The following ARHGEF40 variants were observed in gnomAD, a reference collection of about 807,000 sequenced individuals.
ARHGEF40 encodes the protein Rho guanine nucleotide exchange factor 40, also known as Rho guanine nucleotide exchange factor (GEF) 40.
In ARHGEF40, 98 loss-of-function variants were observed where a neutral mutation model predicts 165.9. That is an observed-to-expected ratio of 0.59 (90% CI 0.50 to 0.70). The LOEUF is 0.70. ARHGEF40 is among the 30% of genes least tolerant of loss of function. The pLI, the probability that ARHGEF40 is intolerant of heterozygous loss-of-function variation, is 0.00. For missense variants in ARHGEF40, 1,815 were observed against 1,968.0 expected (o/e 0.92, Z 1.47); for synonymous variants, 792 against 814.3 (o/e 0.97, Z 0.47).
chr14:21,082,735 C>T (rs1031888129), intron 15 of ARHGEF40, 96 bp from the exon 16 acceptor site: 194 of 1,325,002 alleles, frequency 1.5e-4, no homozygotes, highest in Middle Eastern at 5.0e-4. Flanking sequence ...TGACCCATCC[C>T]TCATTTGGGC....
chr14:21,074,165 C>T lies in ARHGEF40; in HGVS notation c.435C>T (p.Phe145=). ...PVPNEACAYL[F]TPEWLQGINK... The stretch of plus-strand genomic sequence containing the variant: ...CCAATGAGGCTTGTGCCTACCTATT[C>T]ACACCTGAGTGGCTACAAGGCATCA... The change falls in exon 3 of 24, where the codon TTC becomes TTT. Residue 145 remains phenylalanine (F), a synonymous_variant. Transcript: ENST00000298694. The surrounding 1 kb of genome is among the most constrained non-coding windows in gnomAD (Gnocchi z 4.8). 5 of 1,614,142 alleles carry T rather than the reference C, an allele frequency of 3.1e-6. No individual in the cohort carries two copies. Among genetic ancestry groups the T allele is most frequent in the Non-Finnish European group, 4.2e-6 (5 of 1,180,030 alleles).
Position 21,070,326 on chromosome 14 carries a change from C to G in ARHGEF40, c.-71C>G, listed in dbSNP as rs1479952246. 3.6e-6 allele frequency: 5 copies of G among 1,389,616 alleles called. No individual in the cohort carries two copies. In the East Asian group the frequency reaches 1.3e-4, roughly 35 times the overall value. 86.1% of individuals were successfully genotyped at this position (1,389,616 alleles called of 1,614,324 possible). ...GCCAGACCCGGCGAGACACGAGCGG[C>G]GGGAGGGAGGCGGTGGCGCGCCCGG... On this transcript the variant is annotated 5_prime_UTR_variant, in exon 1 of 24. Coordinates refer to ENST00000298694, the MANE Select transcript of ARHGEF40 (RefSeq NM_018071.5). The surrounding 1 kb of genome is among the most constrained non-coding windows in gnomAD (Gnocchi z 4.7).
In ARHGEF40 at chr14:21,087,006, C is replaced by A. The variant is rs758030337; in HGVS notation, c.4144C>A (p.Arg1382=). 4.4e-6 allele frequency: 7 copies of A among 1,598,650 alleles called. No individual in the cohort carries two copies. The Admixed American group carries it at 5.2e-5, about 12-fold the overall frequency. ...WRQAAHNKEL[R]VQQMVSMGIG... is the part of the protein sequence containing the mutation. ...CAAGTGTCCCTATTCCCCAGAGCTC[C>A]GAGTGCAGCAGATGGTGTCCATGGG... is the stretch of plus-strand genomic sequence containing the variant. Residue 1382 remains arginine, a synonymous_variant, in exon 20 of 24, where the codon CGA becomes AGA. Coordinates refer to ENST00000298694, the MANE Select transcript of ARHGEF40 (RefSeq NM_018071.5).
upstream of ARHGEF40, among the ~76,000 whole-genome samples, chr14:21,068,151 T>C (rs370914617): frequency 0.013 from 642 of 49,158 alleles, 216 homozygotes; most frequent in South Asian, 0.13. Flanking sequence ...AGGCGCCCGC[T>C]ACCACGCCCG....
chr14:21,076,906 A>C lies in ARHGEF40; in HGVS notation c.2034+16A>C, dbSNP rs1566527163. The C allele has an allele frequency of 6.3e-7, 1 of 1,595,268 alleles. No homozygotes were observed. The highest frequency in any genetic ancestry group is 8.6e-7 in the Non-Finnish European group (1 of 1,164,444). On this transcript the variant is annotated intron_variant, in intron 8 of 23. Transcript: ENST00000298694. ...GATACACCAGGTAAGCTTCCCCTCTACCACCTAGCATGCTGGGAGCCAGGA... is the reference window on the plus strand; with the variant it reads ...GATACACCAGGTAAGCTTCCCCTCTCCCACCTAGCATGCTGGGAGCCAGGA...
the ARHGEF40 span, among the ~76,000 whole-genome samples, chr14:21,063,230 G>A: frequency 1.3e-5 from 2 of 152,150 alleles, no homozygotes; most frequent in African/African-American, 4.8e-5. Context: ...GTGTGTGTGT[G>A]TATGTGTGTG....
chr14:21,061,895 T>C, the ARHGEF40 span, among the ~76,000 whole-genome samples: 1 of 152,240 alleles, frequency 6.6e-6, no homozygotes, highest in Non-Finnish European at 1.5e-5. Flanking sequence ...TATAAAGGTT[T>C]TTAAGTATTC....
Position 21,082,031 on chromosome 14 carries a change from C to T in ARHGEF40, c.3163C>T (p.Arg1055Trp), listed in dbSNP as rs756954926. ...GGTGGTAGACAGGACGTGCTCACCA[C>T]GGGAACACGTGCTGCTGGGCCGGGC... is the stretch of plus-strand genomic sequence containing the variant. ...TEVVDRTCSP[R>W]EHVLLGRARG... The change falls in exon 14 of 24, where the codon CGG becomes TGG. Residue 1055 changes from arginine (R) to tryptophan (W), a missense_variant. By Grantham distance (101) the Arg-to-Trp change is moderately radical. Transcript: ENST00000298694. The T allele has an allele frequency of 1.1e-5, 17 of 1,566,512 alleles. No individual in the cohort carries two copies. The highest frequency in any genetic ancestry group is 7.2e-5 in the East Asian group (3 of 41,908).
rs950644581 is a variant in ARHGEF40, at chr14:21,070,320, G to T, written c.-77G>T. The T allele has an allele frequency of 7.2e-6, 10 of 1,384,438 alleles. No homozygotes were observed. The highest frequency in any genetic ancestry group is 1.5e-5 in the African/African-American group (1 of 65,472). The allele number at this position is 1,384,438 out of a possible 1,614,324, so 85.8% of individuals were successfully genotyped here. ...CCCTTAGCCAGACCCGGCGAGACAC[G>T]AGCGGCGGGAGGGAGGCGGTGGCGC... On this transcript the variant is annotated 5_prime_UTR_variant, in exon 1 of 24. Transcript: ENST00000298694. This position sits in a 1 kb window ranked among gnomAD's most constrained non-coding sequence, Gnocchi z 4.7.
Position 21,088,821 on chromosome 14 carries a change from T to TC in ARHGEF40, c.4519-3dup, listed in dbSNP as rs777452433. On this transcript the variant is annotated splice_polypyrimidine_tract_variant and intron_variant, in intron 22 of 23. Coordinates refer to ENST00000298694, the MANE Select transcript of ARHGEF40 (RefSeq NM_018071.5). ...GTCCCTAAATTCACTGTAGCTTCTC[T>TC]CCCCCCAGAGTCATGCTCGAGCCCT... The TC allele has an allele frequency of 1.2e-6, 2 of 1,605,016 alleles. No individual in the cohort carries two copies. Among genetic ancestry groups the TC allele is most frequent in the Non-Finnish European group, 1.7e-6 (2 of 1,174,514 alleles).
chr14:21,076,521 C>T (rs758565285), intron 6 of ARHGEF40, 42 bp from the exon 7 acceptor site: 7 of 1,613,620 alleles, frequency 4.3e-6, no homozygotes, highest in Middle Eastern at 1.6e-4. Context: ...CAGTCCAGGA[C>T]ACCCGATTGC....
chr14:21,073,016 G>A lies in ARHGEF40; in HGVS notation c.4-29G>A. 1 of 1,603,368 alleles carries A rather than the reference G, an allele frequency of 6.2e-7. No individual in the cohort carries two copies. The highest frequency in any genetic ancestry group is 8.5e-7 in the Non-Finnish European group (1 of 1,171,666). ...GGAGCCATGATTGGGTGATCTCTAGGGATCTGTAGCCTGGTCCTATCTCTA... is the reference window on the plus strand; with the variant it reads ...GGAGCCATGATTGGGTGATCTCTAGAGATCTGTAGCCTGGTCCTATCTCTA... On this transcript the variant is annotated intron_variant, in intron 1 of 23. Coordinates refer to ENST00000298694, the MANE Select transcript of ARHGEF40 (RefSeq NM_018071.5). This position sits in a 1 kb window ranked among gnomAD's most constrained non-coding sequence, Gnocchi z 4.6.
chr14:21,075,162 G>C lies in ARHGEF40; in HGVS notation c.1432G>C (p.Gly478Arg). Reference sequence around the variant, plus strand: ...CGGAGAGAGAGAGCTGGAGGGGCCAGGCCTGCTGTGTATGGCAGGTGAGAT... The same window carrying C: ...CGGAGAGAGAGAGCTGGAGGGGCCACGCCTGCTGTGTATGGCAGGTGAGAT... ...GAGERELEGP[G>R]LLCMAGHTGP... is the part of the protein sequence containing the mutation. Residue 478 changes from glycine to arginine, a missense_variant, in exon 3 of 24, where the codon GGC becomes CGC. Physicochemically the swap from Gly to Arg is moderately radical, Grantham distance 125 (BLOSUM62 -2). Transcript: ENST00000298694. The surrounding 1 kb of genome is among the most constrained non-coding windows in gnomAD (Gnocchi z 4.5). The C allele has an allele frequency of 6.2e-7, 1 of 1,603,188 alleles. No homozygotes were observed. Among genetic ancestry groups the C allele is most frequent in the South Asian group, 1.1e-5 (1 of 89,534 alleles).
chr14:21,087,292 C>T (rs1178763682), intron 20 of ARHGEF40, 28 bp from the exon 21 acceptor site: 6 of 1,598,500 alleles, frequency 3.8e-6, no homozygotes, highest in Non-Finnish European at 3.4e-6. Context: ...ACACCAGCAC[C>T]CCACCCCCCA....
In ARHGEF40 at chr14:21,085,678, C is replaced by G; in HGVS notation, c.3961-11C>G. On this transcript the variant is annotated splice_polypyrimidine_tract_variant and intron_variant, in intron 18 of 23. Transcript: ENST00000298694. The stretch of plus-strand genomic sequence containing the variant: ...CTCTGTCTTCACCCGCTGCCCTCTG[C>G]TCTTCCTCAGACTGCTGATATGGGG... 6.2e-7 allele frequency: 1 copy of G among 1,612,374 alleles called. No individual in the cohort carries two copies. The highest frequency in any genetic ancestry group is 8.5e-7 in the Non-Finnish European group (1 of 1,179,394).
intron 8 of ARHGEF40, 25 bp from the exon 9 acceptor site, chr14:21,078,152 C>T (rs1429467933): frequency 6.3e-7 from 1 of 1,599,412 alleles, no homozygotes. Flanking sequence ...TGATCCTCAA[C>T]TCCATCCCTG....
At chr14:21,064,893 G>A in the ARHGEF40 span, among the ~76,000 whole-genome samples, 1 of 152,154 alleles carries the variant, frequency 6.6e-6, no homozygotes, top group Non-Finnish European at 1.5e-5. Flanking sequence ...TCCCGTGGCC[G>A]GGCATGGTGG....
In ARHGEF40 at chr14:21,070,386, G is replaced by C; in HGVS notation, c.-11G>C. 7.1e-7 allele frequency: 1 copy of C among 1,409,182 alleles called. No individual in the cohort carries two copies. The highest frequency in any genetic ancestry group is 9.2e-7 in the Non-Finnish European group (1 of 1,090,260). The allele number at this position is 1,409,182 out of a possible 1,614,324, so 87.3% of individuals were successfully genotyped here. ...CCCGACCAAGCGTCGGACGCGGCCC[G>C]GCGCCGAGCCATGGTGAGTCCAGCG... On this transcript the variant is annotated 5_prime_UTR_variant, in exon 1 of 24. Coordinates refer to ENST00000298694, the MANE Select transcript of ARHGEF40 (RefSeq NM_018071.5). The surrounding 1 kb of genome is among the most constrained non-coding windows in gnomAD (Gnocchi z 4.7).
intron 16 of ARHGEF40, among the ~76,000 whole-genome samples, chr14:21,083,384 CAA>C (rs59831663): frequency 0.047 from 6,009 of 127,942 alleles, 129 homozygotes; most frequent in South Asian, 0.098. Flanking sequence ...ACTAGAAATA[CAA>C]AAAAAAAAAA....
Sources: allele counts gnomAD v4.1 joint callset (sites outside exome capture counted in the v4.1 genomes callset), GRCh38; gene constraint gnomAD v4.1.1; non-coding constraint Gnocchi (gnomAD v3.1); transcripts MANE v1.5; gene names NCBI Gene and HGNC (gene_info 2026-07-23, HGNC 2026-07-21).